Variants in ABCC11 observed in about 807,000 individuals in gnomAD.
ABCC11 encodes ATP-binding cassette sub-family C member 11.
In ABCC11, 135 loss-of-function variants were observed where a neutral mutation model predicts 149.3. The ratio of observed to expected loss-of-function variants is 0.90; its 90% CI spans 0.79 to 1.04. The LOEUF (loss-of-function observed/expected upper bound fraction) is 1.04. ABCC11 is among the 50% of genes least tolerant of loss of function. ABCC11 has a pLI of 0.00. For synonymous variants in ABCC11, 665 were observed against 671.4 expected (o/e 0.99, Z 0.15); for missense variants, 1,680 against 1,722.1 (o/e 0.98, Z 0.43).
chr16:48,193,729 G>A, intron 19 of ABCC11, 150 bp downstream of exon 19: 2 of 610,894 alleles, frequency 3.3e-6, no homozygotes, highest in Admixed American at 3.0e-5. Flanking sequence ...CAGAGTCCTG[G>A]CTCCCCACGG....
chr16:48,170,843 G>A (rs1307574809), intron 27 of ABCC11, 46 bp downstream of exon 27: 1 of 1,553,580 alleles, frequency 6.4e-7, no homozygotes, highest in East Asian at 2.2e-5. Context: ...AGCCCCCCAT[G>A]GGCGATGCAG....
chr16:48,231,995 A>G, intron 1 of ABCC11, 56 bp from the exon 2 acceptor site: 1 of 1,606,642 alleles, frequency 6.2e-7, no homozygotes, highest in Non-Finnish European at 8.5e-7. Context: ...GAAGAAGCTT[A>G]GATCTCGCCT....
At position 48,208,446 on chromosome 16, in the gene ABCC11, C is replaced by T. The variant is rs1396002884; in HGVS notation, c.1659G>A (p.Leu553=). The change falls in exon 12 of 30, where the codon CTG becomes CTA. Residue 553 remains leucine, a synonymous_variant. Coordinates refer to ENST00000356608, the MANE Select transcript of ABCC11 (RefSeq NM_001370497.1). ...TTACCTCCTCCAGGATGGCTGACAA[C>T]AGGCTGCTCTTACCACTCCCCGTGT... The part of the protein sequence containing the change: ...CGNTGSGKSS[L]LSAILEEMHL... 1.2e-6 allele frequency: 2 copies of T among 1,614,200 alleles called. No individual in the cohort carries two copies. Among genetic ancestry groups the T allele is most frequent in the African/African-American group, 1.3e-5 (1 of 75,062 alleles).
At chr16:48,243,919 G>A (rs374690107) in intron 1 of ABCC11, among the ~76,000 whole-genome samples, 1 of 152,236 alleles carries the variant, frequency 6.6e-6, no homozygotes, top group East Asian at 1.9e-4. Context: ...TTGAACCCGG[G>A]AGGCAGAGGC....
At chr16:48,178,480 G>A (rs1310811405) in intron 24 of ABCC11, 117 bp downstream of exon 24, 9 of 911,826 alleles carry the variant, frequency 9.9e-6, no homozygotes, top group Non-Finnish European at 1.4e-5. Flanking sequence ...AAGGCCAGGA[G>A]CCTGGTGTTT....
At chr16:48,238,912 G>A (rs796638796) in intron 1 of ABCC11, among the ~76,000 whole-genome samples, 60 of 139,054 alleles carry the variant, frequency 4.3e-4, no homozygotes, top group African/African-American at 1.4e-3. Flanking sequence ...ACTCCAGCCT[G>A]GGCGACAGAG....
rs773761656 is a variant in ABCC11 at position 48,187,421 on chromosome 16, G to A, written c.2713C>T (p.Arg905Cys). ...GTGTCAAAGAAACTCATGGGGCAGC[G>A]GAAAACCTGCAGGGACAAAATCAAC... The part of the protein sequence containing the change: ...LHNKLFNKVF[R>C]CPMSFFDTIP... The change falls in exon 21 of 30, where the codon CGC (arginine) becomes TGC (cysteine). Residue 905 changes from arginine to cysteine, a missense_variant. By Grantham distance (180) the Arg-to-Cys change is radical. Coordinates refer to ENST00000356608, the MANE Select transcript of ABCC11 (RefSeq NM_001370497.1). The A allele has an allele frequency of 1.9e-5, 30 of 1,610,580 alleles. 1 individual carries two copies. The highest frequency in any genetic ancestry group is 9.9e-5 in the South Asian group (9 of 90,658).
intron 4 of ABCC11, among the ~76,000 whole-genome samples, chr16:48,227,190 T>C (rs1382757485): frequency 6.6e-6 from 1 of 152,092 alleles, no homozygotes; most frequent in Non-Finnish European, 1.5e-5. Flanking sequence ...CTAACTTTCT[T>C]GGGACAGGTG....
chr16:48,200,357 G>A lies in ABCC11; in HGVS notation c.2001C>T (p.His667=), dbSNP rs202182302. Residue 667 remains histidine, a synonymous_variant, in exon 15 of 30, where the codon CAC becomes CAT. Coordinates refer to ENST00000356608, the MANE Select transcript of ABCC11 (RefSeq NM_001370497.1). ...ACTCCTCAAAAATGTGCTTCCCCAC[G>A]TGGGCGTCCACAGCAGACAGGGGGT... The part of the protein sequence containing the change: ...LDDPLSAVDA[H]VGKHIFEECI... The A allele has an allele frequency of 3.4e-4, 546 of 1,614,252 alleles. 7 individuals carry two copies. Among genetic ancestry groups the A allele is most frequent in the East Asian group, 2.0e-4 (9 of 44,892 alleles).
Position 48,198,045 on chromosome 16 carries a change from T to G in ABCC11, c.2240A>C (p.Lys747Thr). Residue 747 changes from lysine (K) to threonine (T), a missense_variant, in exon 17 of 30, where the codon AAG becomes ACG. By Grantham distance (78) the Lys-to-Thr change is moderately conservative. Transcript: ENST00000356608. ...TTCTACCTTTGGCTTCTCTGCTATC[T>G]TTGCTGTGTCCTGCAACATGTCCTG... Reference protein sequence around the residue: ...ATSDMLQDTAKIAEKPKVESQ... With the variant: ...ATSDMLQDTATIAEKPKVESQ... 6.2e-7 allele frequency: 1 copy of G among 1,614,214 alleles called. No individual in the cohort carries two copies. The highest frequency in any genetic ancestry group is 8.5e-7 in the Non-Finnish European group (1 of 1,180,036).
chr16:48,211,464 A>C (rs1968922007), intron 10 of ABCC11, among the ~76,000 whole-genome samples: 1 of 152,164 alleles, frequency 6.6e-6, no homozygotes, highest in Non-Finnish European at 1.5e-5. Flanking sequence ...TGCGCTCAGG[A>C]GGTTGACTAA....
rs760364457 is a variant in ABCC11 at position 48,184,423 on chromosome 16, CAG to C, written c.3258+15_3258+16del. 3.8e-5 allele frequency: 61 copies of C among 1,610,604 alleles called. No homozygotes were observed. Among genetic ancestry groups the C allele is most frequent in the Non-Finnish European group, 5.2e-5 (61 of 1,178,172 alleles). On this transcript the variant is annotated intron_variant, in intron 23 of 29. Transcript: ENST00000356608. ...GAGCAAAGCTCAGAGAGGGCCCACA[CAG>C]AGTCACCCCCTCACCTGCAGCACGA...
chr16:48,228,005 A>C, intron 3 of ABCC11, 41 bp from the exon 4 acceptor site: 1 of 1,543,548 alleles, frequency 6.5e-7, no homozygotes, highest in Non-Finnish European at 8.8e-7. Context: ...ATTCAGGATC[A>C]AGATTTTGCA....
At chr16:48,197,312 A>AG (rs61247032) in intron 17 of ABCC11, among the ~76,000 whole-genome samples, 151,937 of 152,214 alleles carry the variant, frequency 1, 75,830 homozygotes, top group East Asian at 1. Flanking sequence ...CAACGGACCA[A>AG]ACTCTGTCTA....
chr16:48,197,041 G>A (rs1967486448), intron 17 of ABCC11, among the ~76,000 whole-genome samples: 1 of 146,050 alleles, frequency 6.8e-6, no homozygotes, highest in African/African-American at 2.5e-5. Flanking sequence ...GCCTCAGTTG[G>A]TGGCCGGGCA....
intron 14 of ABCC11, 138 bp from the exon 15 acceptor site, chr16:48,200,617 T>C: frequency 3.3e-6 from 3 of 901,668 alleles, no homozygotes; most frequent in Middle Eastern, 4.5e-4. Flanking sequence ...ACCTGATAAT[T>C]TGGCATTCTG....
rs1967515431 is a variant in ABCC11 at position 48,197,306 on chromosome 16, G to A, written c.2314+665C>T. Among the ~76,000 whole-genome samples the A allele has an allele frequency of 0.012, 10 of 826 alleles. No individual in the cohort carries two copies. The Admixed American group carries it at 0.17, about 14-fold the overall frequency. 0.5% of individuals were successfully genotyped at this position (826 alleles called of 152,430 possible). A position where few individuals can be genotyped will look rare whatever the true frequency, so the allele number is the denominator to read the frequency against. The stretch of plus-strand genomic sequence containing the variant: ...GCCACTGTATTCCTGCCTGGGCAAC[G>A]GACCAAACTCTGTCTAAAAAAAAAA... On this transcript the variant is annotated intron_variant, in intron 17 of 29. Transcript: ENST00000356608.
chr16:48,246,682 G>A (rs1026347722), intron 1 of ABCC11, among the ~76,000 whole-genome samples: 6 of 152,022 alleles, frequency 3.9e-5, no homozygotes, highest in African/African-American at 1.5e-4. Flanking sequence ...TCAAGTGATC[G>A]TCCTGCCTCA....
intron 20 of ABCC11, among the ~76,000 whole-genome samples, chr16:48,188,032 A>G: frequency 6.6e-6 from 1 of 152,166 alleles, no homozygotes; most frequent in East Asian, 1.9e-4. Context: ...GTCATCAATG[A>G]CTTGATGACT....
Sources: allele counts gnomAD v4.1 joint callset (sites outside exome capture counted in the v4.1 genomes callset), GRCh38; gene constraint gnomAD v4.1.1; transcripts MANE v1.5; gene names NCBI Gene and HGNC (gene_info 2026-07-23, HGNC 2026-07-21).